COL4A6: variants seen among roughly 807,000 people sequenced by gnomAD.
COL4A6 encodes the protein collagen alpha-6(IV) chain.
In COL4A6, 59 loss-of-function variants were observed where a neutral mutation model predicts 126.7. The observed-to-expected ratio is 0.47, with a 90% CI of 0.38 to 0.58. COL4A6 has a LOEUF of 0.58. Ranked by LOEUF, COL4A6 falls within the 20% of genes least tolerant of loss-of-function variation. The pLI, the probability that COL4A6 is intolerant of heterozygous loss-of-function variation, is 0.00. For missense variants in COL4A6, 1,285 were observed against 1,337.3 expected (o/e 0.96, Z 0.61); for synonymous variants, 547 against 496.6 (o/e 1.10, Z -1.35).
intron 2 of COL4A6, among the ~76,000 whole-genome samples, chrX:108,413,262 A>T (rs960571069): frequency 1.8e-5 from 2 of 111,583 alleles, no homozygotes; most frequent in Non-Finnish European, 3.8e-5. Flanking sequence ...TTTAATCTTA[A>T]CATATTTTAA....
chrX:108,238,118 T>C (rs2036482883), intron 3 of COL4A6, among the ~76,000 whole-genome samples: 1 of 105,772 alleles, frequency 9.5e-6, no homozygotes, highest in African/African-American at 3.5e-5. Context: ...GTGTGTTTTT[T>C]TTTTTTGAGA....
chrX:108,262,714 A>G (rs1235811256), intron 3 of COL4A6, among the ~76,000 whole-genome samples: 4 of 110,972 alleles, frequency 3.6e-5, no homozygotes, highest in Non-Finnish European at 5.7e-5. Context: ...TTATATCTTT[A>G]CCAGTTGCTT....
Position 108,206,909 on chromosome X carries a change from A to G in COL4A6, c.547-329T>C, listed in dbSNP as rs758771597. ...CTTTACATGAAGTTCTAGGACTGGC[A>G]TAAAGGAGAAAAATCAGGATTGTGG... On this transcript the variant is annotated intron_variant, in intron 8 of 44. Coordinates refer to ENST00000334504, the MANE Select transcript of COL4A6 (RefSeq NM_033641.4). 75 of 301,436 alleles carry G rather than the reference A, an allele frequency of 2.5e-4. 1 individual carries two copies. The highest frequency in any genetic ancestry group is 1.6e-3 in the Admixed American group (34 of 21,550). 24.8% of individuals were successfully genotyped at this position (301,436 alleles called of 1,213,427 possible).
intron 3 of COL4A6, among the ~76,000 whole-genome samples, chrX:108,261,480 G>A (rs1431663207): frequency 9.0e-6 from 1 of 111,361 alleles, no homozygotes; most frequent in Non-Finnish European, 1.9e-5. Context: ...GCTCAGAGAA[G>A]GTCACATAGC....
At chrX:108,345,582 CCTTATGCAAATTACGCG>C (rs1370231366) in intron 2 of COL4A6, among the ~76,000 whole-genome samples, 1 of 111,490 alleles carries the variant, frequency 9.0e-6, no homozygotes, top group Non-Finnish European at 1.9e-5. Context: ...TATCCCTGCC[CCTTATGCAAATTACGCG>C]CATTTAATGG....
chrX:108,422,717 C>A (rs767675589), intron 2 of COL4A6, among the ~76,000 whole-genome samples: 1 of 112,107 alleles, frequency 8.9e-6, no homozygotes, highest in African/African-American at 3.2e-5. Context: ...ATCTCAGCAC[C>A]TTTGGCTATC....
chrX:108,228,022 G>T (rs866766355), intron 3 of COL4A6, among the ~76,000 whole-genome samples: 3 of 112,451 alleles, frequency 2.7e-5, no homozygotes, highest in Admixed American at 9.4e-5. Context: ...AGTTCAGGAT[G>T]GAGAAGTTGA....
intron 2 of COL4A6, among the ~76,000 whole-genome samples, chrX:108,367,444 C>T (rs1317891515): frequency 9.0e-6 from 1 of 111,522 alleles, no homozygotes; most frequent in Admixed American, 9.5e-5. Flanking sequence ...GCAGAACATA[C>T]CCTCGTGTCT....
chrX:108,365,687 C>A (rs1460768999), intron 2 of COL4A6, among the ~76,000 whole-genome samples: 1 of 111,867 alleles, frequency 8.9e-6, no homozygotes, highest in Non-Finnish European at 1.9e-5. Flanking sequence ...ACTCTATGTG[C>A]CAAGAAATCA....
At chrX:108,196,306 G>A (rs1033336708) in intron 14 of COL4A6, among the ~76,000 whole-genome samples, 1 of 111,231 alleles carries the variant, frequency 9.0e-6, no homozygotes, top group African/African-American at 3.3e-5. Flanking sequence ...CCTAGAGTAG[G>A]GGGTGCCTCA....
intron 1 of COL4A6, 23 bp downstream of exon 1, chrX:108,438,163 A>C: frequency 8.3e-7 from 1 of 1,207,179 alleles, no homozygotes; most frequent in East Asian, 3.0e-5. Context: ...AGAGGAGGGG[A>C]GCTCGGGGCA....
intron 32 of COL4A6, 87 bp from the exon 33 acceptor site, chrX:108,171,548 T>C: frequency 1.2e-6 from 1 of 815,239 alleles, no homozygotes; most frequent in Non-Finnish European, 1.8e-6. Flanking sequence ...CATTTTTTTT[T>C]TCAGATTCAG....
At chrX:108,431,887 T>C (rs1012220672) in intron 2 of COL4A6, among the ~76,000 whole-genome samples, 1 of 112,209 alleles carries the variant, frequency 8.9e-6, no homozygotes, top group Non-Finnish European at 1.9e-5. Flanking sequence ...ATCAGAAATT[T>C]GATTCCATGA....
intron 2 of COL4A6, among the ~76,000 whole-genome samples, chrX:108,391,357 A>T (rs2040834908): frequency 8.9e-6 from 1 of 111,764 alleles, no homozygotes; most frequent in African/African-American, 3.3e-5. Context: ...TAAGTCCCTG[A>T]CTGGGGCTGC....
At chrX:108,428,233 G>T (rs936268320) in intron 2 of COL4A6, among the ~76,000 whole-genome samples, 4 of 111,954 alleles carry the variant, frequency 3.6e-5, no homozygotes, top group African/African-American at 9.7e-5. Context: ...GTGTTAGGCC[G>T]CATTCAAAGC....
At chrX:108,423,970 C>A (rs1164239603) in intron 2 of COL4A6, among the ~76,000 whole-genome samples, 1 of 111,693 alleles carries the variant, frequency 9.0e-6, no homozygotes, top group Non-Finnish European at 1.9e-5. Flanking sequence ...TCTCCATAGC[C>A]TGACCCTGTT....
intron 6 of COL4A6, among the ~76,000 whole-genome samples, chrX:108,212,653 T>C (rs991703936): frequency 5.4e-5 from 6 of 111,434 alleles, no homozygotes; most frequent in African/African-American, 2.0e-4. Context: ...AAACCGTTTT[T>C]TTTTTCTCAC....
intron 37 of COL4A6, among the ~76,000 whole-genome samples, chrX:108,167,127 C>T (rs962893504): frequency 8.9e-6 from 1 of 111,875 alleles, no homozygotes; most frequent in Admixed American, 9.5e-5. Context: ...AAAGCTCATG[C>T]ATTTCTTTAA....
intron 5 of COL4A6, among the ~76,000 whole-genome samples, chrX:108,216,989 G>T (rs1469914012): frequency 8.9e-6 from 1 of 112,483 alleles, no homozygotes; most frequent in African/African-American, 3.2e-5. Flanking sequence ...TCTTGTGGAT[G>T]CCAACAGGCC....
Sources: allele counts gnomAD v4.1 joint callset (sites outside exome capture counted in the v4.1 genomes callset), GRCh38; gene constraint gnomAD v4.1.1; transcripts MANE v1.5; gene names NCBI Gene and HGNC (gene_info 2026-07-23, HGNC 2026-07-21).